KDM2B: variants seen among roughly 807,000 people sequenced by gnomAD.
KDM2B encodes the protein lysine demethylase 2B, also known as lysine-specific demethylase 2B.
KDM2B carries 26 observed loss-of-function variants against 150.0 expected under a neutral mutation model. The observed-to-expected ratio is 0.17, with a 90% confidence interval of 0.13 to 0.24. The LOEUF is 0.24. KDM2B is among the 10% of genes least tolerant of loss of function. The pLI, the probability that KDM2B is intolerant of heterozygous loss-of-function variation, is 1.00. For missense variants in KDM2B, 1,265 were observed against 1,816.9 expected, an observed-to-expected ratio of 0.70 and a Z score of 5.52; for synonymous variants, 734 against 729.5, an observed-to-expected ratio of 1.01 and a Z score of -0.10.
chr12:121,527,191 A>G (rs1394076349), intron 8 of KDM2B, among the ~76,000 whole-genome samples: 7 of 148,012 alleles, frequency 4.7e-5, no homozygotes, highest in Non-Finnish European at 8.9e-5. Flanking sequence ...GGTACTACAT[A>G]GGCACCCGCC....
Position 121,455,450 on chromosome 12 carries a change from G to A in KDM2B, c.1735-2106C>T, listed in dbSNP as rs868979870. On this transcript the variant is annotated intron_variant, in intron 12 of 22. Coordinates refer to ENST00000377071, the MANE Select transcript of KDM2B (RefSeq NM_032590.5). ...AAGGGCGCCAGGAACGGTGGCTCAC[G>A]CCTATAAGCCCAGCATGCTGGGGTC... Among the ~76,000 whole-genome samples the A allele has an allele frequency of 4.6e-5, 7 of 152,212 alleles. No homozygotes were observed. In the South Asian group the frequency reaches 1.0e-3, roughly 23 times the overall value.
intron 12 of KDM2B, among the ~76,000 whole-genome samples, chr12:121,490,652 G>A (rs988155865): frequency 7.2e-5 from 11 of 152,134 alleles, no homozygotes; most frequent in Non-Finnish European, 1.0e-4. Context: ...CATCCTGCCC[G>A]TTGGTCATAA....
chr12:121,544,331 CTG>C, intron 6 of KDM2B, among the ~76,000 whole-genome samples: 1 of 152,076 alleles, frequency 6.6e-6, no homozygotes, highest in South Asian at 2.1e-4. Context: ...AGATTCCTGG[CTG>C]GGCATGGTGG....
intron 12 of KDM2B, among the ~76,000 whole-genome samples, chr12:121,463,104 C>G (rs1879339874): frequency 6.6e-6 from 1 of 151,534 alleles, no homozygotes; most frequent in Admixed American, 6.6e-5. Flanking sequence ...ATCACAAGGT[C>G]AGGAGTTCGA....
chr12:121,523,956 A>C (rs1167313021), intron 8 of KDM2B, among the ~76,000 whole-genome samples: 1 of 152,142 alleles, frequency 6.6e-6, no homozygotes, highest in Non-Finnish European at 1.5e-5. Context: ...CATCCGCTTC[A>C]GTCTCCTGCC....
At chr12:121,445,110 G>A in intron 14 of KDM2B, 165 bp downstream of exon 14, 3 of 718,342 alleles carry the variant, frequency 4.2e-6, no homozygotes. Context: ...AGGTACTCCA[G>A]GCCCTCCTTG....
Position 121,442,504 on chromosome 12 carries a change from G to C in KDM2B, c.2937C>G (p.Ser979Arg). 1 of 1,599,538 alleles carries C rather than the reference G, an allele frequency of 6.3e-7. No individual in the cohort carries two copies. Among genetic ancestry groups the C allele is most frequent in the Non-Finnish European group, 8.5e-7 (1 of 1,179,846 alleles). The change falls in exon 19 of 23, where the codon AGC becomes AGG. Residue 979 changes from serine to arginine, a missense_variant. By Grantham distance (110) the Ser-to-Arg change is moderately radical (BLOSUM62 -1). This residue lies in a region of KDM2B where 418 missense variants were observed against 402.4 expected (regional missense o/e 1.04). Transcript: ENST00000377071. This position sits in a 1 kb window ranked among gnomAD's most constrained non-coding sequence, Gnocchi z 7.7. Reference sequence around the variant, plus strand: ...GGGGCCGCTTGGGCTCCTCGCCCTCGCTCTCAGGCTCCGACTTGATGGGCT... The same window carrying C: ...GGGGCCGCTTGGGCTCCTCGCCCTCCCTCTCAGGCTCCGACTTGATGGGCT... ...NQQPIKSEPE[S>R]EGEEPKRPPG...
chr12:121,535,615 T>TG (rs576465921), intron 6 of KDM2B, among the ~76,000 whole-genome samples: 24 of 152,290 alleles, frequency 1.6e-4, no homozygotes, highest in African/African-American at 5.8e-4. Context: ...GAAATTAAAT[T>TG]GGGGGTGGTG....
At chr12:121,469,722 C>T (rs1237640694) in intron 12 of KDM2B, 1 of 152,036 alleles carries the variant, frequency 6.6e-6, no homozygotes, top group Non-Finnish European at 1.5e-5. Context: ...GGGCTCATAA[C>T]ATGCCAATCA....
Position 121,442,635 on chromosome 12 carries a change from G to T in KDM2B, c.2806C>A (p.Arg936Ser), listed in dbSNP as rs1276799424. The change falls in exon 19 of 23, where the codon CGC becomes AGC. Residue 936 changes from arginine (R) to serine (S), a missense_variant. Arg to Ser is a moderately radical substitution (Grantham distance 110). This residue lies in a region of KDM2B where 418 missense variants were observed against 402.4 expected (regional missense o/e 1.04). Coordinates refer to ENST00000377071, the MANE Select transcript of KDM2B (RefSeq NM_032590.5). The surrounding 1 kb of genome is among the most constrained non-coding windows in gnomAD (Gnocchi z 7.7). ...GPEEKKKVKM[R>S]RKRRLPNKEL... The stretch of plus-strand genomic sequence containing the variant: ...TTGTTGGGAAGCCGCCGCTTCCGGC[G>T]CATCTTCACCTTCTTCTTCTCCTCC... 1.9e-6 allele frequency: 3 copies of T among 1,603,850 alleles called. No homozygotes were observed. The highest frequency in any genetic ancestry group is 2.5e-6 in the Non-Finnish European group (3 of 1,178,760).
Position 121,516,278 on chromosome 12 carries a change from AGG to A in KDM2B, c.1048-2878_1048-2877del, listed in dbSNP as rs575810527. 1.3e-4 allele frequency: 43 copies of A among 324,066 alleles called. 1 individual carries two copies. The Admixed American group carries it at 1.7e-3, about 13-fold the overall frequency. The allele number at this position is 324,066 out of a possible 1,614,324, so 20.1% of individuals were successfully genotyped here. A position where few individuals can be genotyped will look rare whatever the true frequency, so the allele number is the denominator to read the frequency against. On this transcript the variant is annotated intron_variant, in intron 9 of 22. Coordinates refer to ENST00000377071, the MANE Select transcript of KDM2B (RefSeq NM_032590.5). ...GACCACCTGGGAATCTTTCTAAATT[AGG>A]GGAAAAAAATTGAGGGGGCTGCACT...
At chr12:121,572,582 G>A (rs1344542956) in intron 4 of KDM2B, among the ~76,000 whole-genome samples, 2 of 152,108 alleles carry the variant, frequency 1.3e-5, no homozygotes, top group Admixed American at 1.3e-4. Flanking sequence ...CTAAAATGAA[G>A]CCCCACCACG....
rs781957103 is a variant in KDM2B at position 121,513,307 on chromosome 12, A to C, written c.1143T>G (p.Thr381=). The change falls in exon 10 of 23, where the codon ACT becomes ACG. Residue 381 remains threonine (T), a synonymous_variant. Transcript: ENST00000377071. This position sits in a 1 kb window ranked among gnomAD's most constrained non-coding sequence, Gnocchi z 5.0. ...VYCVTQRSHL[T]QEYQRESMLI... ...GCATCGACTCCCTCTGGTATTCCTG[A>C]GTGAGGTGGGAGCGCTGGGTCACAC... The C allele has an allele frequency of 1.2e-6, 2 of 1,613,500 alleles. No individual in the cohort carries two copies. The highest frequency in any genetic ancestry group is 1.7e-6 in the Non-Finnish European group (2 of 1,179,870).
chr12:121,544,469 G>A (rs1343507670), intron 6 of KDM2B, among the ~76,000 whole-genome samples: 2 of 151,936 alleles, frequency 1.3e-5, no homozygotes, highest in Non-Finnish European at 2.9e-5. Context: ...CATTAGCCGG[G>A]TGTGTTGGTG....
chr12:121,549,491 T>C lies in KDM2B; in HGVS notation c.545A>G (p.Lys182Arg). The stretch of plus-strand genomic sequence containing the variant: ...CGGACGCTTGACCAAGTGCTCCAGC[T>C]TGGTGTGGCTGAACTCTAGGCTGAT... ...NVISLEFSHTKLEHLVKRPTV... is the reference protein window; with the variant it reads ...NVISLEFSHTRLEHLVKRPTV... The change falls in exon 5 of 23, where the codon AAG (lysine) becomes AGG (arginine). Residue 182 changes from lysine (K) to arginine (R), a missense_variant. Coordinates refer to ENST00000377071, the MANE Select transcript of KDM2B (RefSeq NM_032590.5). This position sits in a 1 kb window ranked among gnomAD's most constrained non-coding sequence, Gnocchi z 4.4. 6.2e-7 allele frequency: 1 copy of C among 1,608,908 alleles called. No individual in the cohort carries two copies. The highest frequency in any genetic ancestry group is 8.5e-7 in the Non-Finnish European group (1 of 1,175,972).
intron 11 of KDM2B, among the ~76,000 whole-genome samples, chr12:121,507,632 G>A (rs1555303141): frequency 6.6e-6 from 1 of 152,172 alleles, no homozygotes; most frequent in African/African-American, 2.4e-5. Context: ...GAGGAGCCAA[G>A]TTTCATCCCT....
In KDM2B at chr12:121,441,170, C is replaced by G; in HGVS notation, c.3348G>C (p.Leu1116=). 2 of 1,614,194 alleles carry G rather than the reference C, an allele frequency of 1.2e-6. No individual in the cohort carries two copies. The highest frequency in any genetic ancestry group is 1.7e-6 in the Non-Finnish European group (2 of 1,180,030). Residue 1116 remains leucine (L), a synonymous_variant, in exon 20 of 23, where the codon CTG becomes CTC. Transcript: ENST00000377071. ...DLNHCKSITP[L]MLSGIIRRQP... is the part of the protein sequence containing the mutation. ...GTCGCCGGATGATGCCACTCAGCAT[C>G]AGGGGTGTGATAGACTTGCAGTGGT...
In KDM2B at chr12:121,549,013, T is replaced by C. The variant is rs200791313; in HGVS notation, c.577-30A>G. On this transcript the variant is annotated intron_variant, in intron 5 of 22. Transcript: ENST00000377071. The surrounding 1 kb of genome is among the most constrained non-coding windows in gnomAD (Gnocchi z 4.4). ...AAGCCAGACCAGTGTGAGCACTGCA[T>C]TTCTCCACTGCCGAGCCAGACACAA... 6.8e-5 allele frequency: 106 copies of C among 1,560,352 alleles called. No homozygotes were observed. In the African/African-American group the frequency reaches 1.3e-3, roughly 20 times the overall value.
intron 13 of KDM2B, among the ~76,000 whole-genome samples, chr12:121,446,404 G>C (rs545758311): frequency 6.6e-6 from 1 of 152,286 alleles, no homozygotes; most frequent in South Asian, 2.1e-4. Context: ...TCAAAAAAAA[G>C]ATCACCAGTT....
Sources: gnomAD v4.1 joint callset for allele counts (sites outside exome capture counted in the v4.1 genomes callset) on GRCh38, gnomAD v4.1.1 for gene constraint, gnomAD v4.1.1 regional missense constraint, Gnocchi (gnomAD v3.1) non-coding constraint, MANE v1.5 for transcripts, NCBI Gene and HGNC (gene_info 2026-07-23, HGNC 2026-07-21) for gene names.